VRK1: variants seen among roughly 807,000 people sequenced by gnomAD.
VRK1 encodes the protein VRK serine/threonine kinase 1.
A neutral mutation model predicts 57.1 loss-of-function variants in VRK1; 33 were observed. The ratio of observed to expected loss-of-function variants is 0.58; its 90% CI spans 0.44 to 0.77. The LOEUF is 0.77. Ranked by LOEUF, VRK1 falls within the 30% of genes least tolerant of loss-of-function variation. VRK1 has a pLI of 0.00. For missense variants in VRK1, 413 were observed against 477.3 expected, an observed-to-expected ratio of 0.87 and a Z score of 1.25; for synonymous variants, 137 against 147.8, an observed-to-expected ratio of 0.93 and a Z score of 0.53.
intron 1 of VRK1, among the ~76,000 whole-genome samples, chr14:96,811,200 G>T (rs1886187868): frequency 6.6e-6 from 1 of 152,014 alleles, no homozygotes; most frequent in African/African-American, 2.4e-5. Flanking sequence ...CAAAGTGCAG[G>T]GATTACAGGT....
intron 1 of VRK1, among the ~76,000 whole-genome samples, chr14:96,805,061 G>A (rs1221935771): frequency 6.6e-6 from 1 of 152,222 alleles, no homozygotes; most frequent in Non-Finnish European, 1.5e-5. Context: ...ATAAAAACAT[G>A]AAGAGTTCAT....
At position 96,880,132 on chromosome 14, in the gene VRK1, T is replaced by C. The variant is rs1488710970; in HGVS notation, c.1160-1045T>C. 2.6e-5 allele frequency among the ~76,000 whole-genome samples: 4 copies of C among 152,090 alleles called. No individual in the cohort carries two copies. In the East Asian group the frequency reaches 7.7e-4, roughly 29 times the overall value. ...CATATAAGCTTGAAATTTGCTTTCA[T>C]TGAACTGTATGATTGAATAGAAACT... On this transcript the variant is annotated intron_variant, in intron 12 of 12. Transcript: ENST00000216639.
At chr14:96,869,081 C>T (rs1276787282) in intron 11 of VRK1, among the ~76,000 whole-genome samples, 1 of 152,122 alleles carries the variant, frequency 6.6e-6, no homozygotes, top group Admixed American at 6.5e-5. Context: ...GTGTGAGCCA[C>T]CACGCCCGGC....
intron 5 of VRK1, 39 bp from the exon 6 acceptor site, chr14:96,852,792 A>C: frequency 1.3e-6 from 2 of 1,550,094 alleles, no homozygotes; most frequent in Non-Finnish European, 1.8e-6. Flanking sequence ...GTTTTCTTGC[A>C]TTGTATTTTG....
intron 1 of VRK1, among the ~76,000 whole-genome samples, chr14:96,822,959 A>C (rs1886658754): frequency 1.3e-5 from 2 of 151,942 alleles, no homozygotes; most frequent in African/African-American, 2.4e-5. Flanking sequence ...GTGTGCTCCC[A>C]CCTTAGGGTC....
At chr14:96,858,899 C>A (rs1888271810) in intron 10 of VRK1, 1 of 152,112 alleles carries the variant, frequency 6.6e-6, no homozygotes, top group Admixed American at 6.6e-5. Context: ...TTAGAATCAC[C>A]TTGTCAGTTA....
At chr14:96,799,901 A>G (rs1885589674) in intron 1 of VRK1, among the ~76,000 whole-genome samples, 3 of 150,088 alleles carry the variant, frequency 2.0e-5, no homozygotes, top group Non-Finnish European at 4.4e-5. Flanking sequence ...TTGCTATTGT[A>G]GTGTTTTGCT....
intron 10 of VRK1, among the ~76,000 whole-genome samples, chr14:96,859,257 A>T (rs1395697803): frequency 2.1e-5 from 3 of 144,754 alleles, no homozygotes; most frequent in African/African-American, 7.3e-5. Context: ...TGTATCTACT[A>T]GTTCTAGTAG....
chr14:96,838,944 C>A (rs1482459751), intron 3 of VRK1, among the ~76,000 whole-genome samples: 2 of 152,044 alleles, frequency 1.3e-5, no homozygotes, highest in African/African-American at 4.8e-5. Context: ...AGTTTGAAGA[C>A]TTTTGACAAG....
At chr14:96,855,189 G>T in intron 7 of VRK1, 35 bp from the exon 8 acceptor site, 2 of 1,613,570 alleles carry the variant, frequency 1.2e-6, no homozygotes, top group South Asian at 1.1e-5. Context: ...CAGTGATTTT[G>T]ACTTTAGTTT....
chr14:96,876,255 T>C, intron 12 of VRK1, 135 bp downstream of exon 12: 1 of 791,904 alleles, frequency 1.3e-6, no homozygotes, highest in South Asian at 1.4e-5. Flanking sequence ...TTTTATATAG[T>C]ATGTATTGTG....
chr14:96,807,943 G>GTC lies in VRK1; in HGVS notation c.-6+10506_-6+10507dup, dbSNP rs1211769365. ...ACTCTCTCTGTCTCTCTCTTTCTCT[G>GTC]TCTCTCTCTCTGTCTCTCCCTCCCT... On this transcript the variant is annotated intron_variant, in intron 1 of 12. Coordinates refer to ENST00000216639, the MANE Select transcript of VRK1 (RefSeq NM_003384.3). Among the ~76,000 whole-genome samples the GTC allele has an allele frequency of 4.3e-4, 63 of 144,892 alleles. No individual in the cohort carries two copies. In the Middle Eastern group the frequency reaches 0.011, roughly 24 times the overall value.
chr14:96,868,644 T>G (rs1333019492), intron 11 of VRK1, among the ~76,000 whole-genome samples: 1 of 152,178 alleles, frequency 6.6e-6, no homozygotes, highest in Non-Finnish European at 1.5e-5. Flanking sequence ...AAATTTGGTG[T>G]CATATAAATG....
chr14:96,812,595 T>A (rs1156899515), intron 1 of VRK1, among the ~76,000 whole-genome samples: 2 of 152,234 alleles, frequency 1.3e-5, no homozygotes, highest in Non-Finnish European at 2.9e-5. Flanking sequence ...TAAACTGGCT[T>A]AGTTGTCTTT....
At chr14:96,833,235 A>G (rs925858665) in intron 1 of VRK1, among the ~76,000 whole-genome samples, 4 of 152,150 alleles carry the variant, frequency 2.6e-5, no homozygotes, top group African/African-American at 9.7e-5. Flanking sequence ...ACTTAAACCT[A>G]ATTATTTCCT....
At chr14:96,863,553 T>A (rs1566714897) in intron 11 of VRK1, among the ~76,000 whole-genome samples, 1 of 152,106 alleles carries the variant, frequency 6.6e-6, no homozygotes, top group Non-Finnish European at 1.5e-5. Flanking sequence ...ACAAAAAGGG[T>A]TGTTGACTGG....
intron 1 of VRK1, among the ~76,000 whole-genome samples, chr14:96,803,449 G>A (rs1885747656): frequency 6.6e-6 from 1 of 152,092 alleles, no homozygotes; most frequent in Admixed American, 6.5e-5. Flanking sequence ...GGGACTGCAG[G>A]GAGTGAGCCA....
chr14:96,836,248 C>T (rs1887206862), intron 2 of VRK1, among the ~76,000 whole-genome samples: 1 of 152,086 alleles, frequency 6.6e-6, no homozygotes, highest in Admixed American at 6.5e-5. Context: ...AACTGATCTG[C>T]CTGCTTCTGC....
rs578083473 is a variant in VRK1, at chr14:96,826,343, A to G, written c.-5-7124A>G. 3.9e-5 allele frequency among the ~76,000 whole-genome samples: 6 copies of G among 152,346 alleles called. No individual in the cohort carries two copies. In the South Asian group the frequency reaches 1.2e-3, roughly 32 times the overall value. ...CTTGCTTTGTGTATTTAATAACTTTAGTACCATAATTACTCTGTTTACAAT... is the reference window on the plus strand; with the variant it reads ...CTTGCTTTGTGTATTTAATAACTTTGGTACCATAATTACTCTGTTTACAAT... On this transcript the variant is annotated intron_variant, in intron 1 of 12. Coordinates refer to ENST00000216639, the MANE Select transcript of VRK1 (RefSeq NM_003384.3).
Sources: allele counts gnomAD v4.1 joint callset (sites outside exome capture counted in the v4.1 genomes callset), GRCh38; gene constraint gnomAD v4.1.1; transcripts MANE v1.5; gene names NCBI Gene and HGNC (gene_info 2026-07-23, HGNC 2026-07-21).